Variants in LRRC36 observed in about 807,000 individuals in gnomAD.
LRRC36 encodes leucine rich repeat containing 36.
A neutral mutation model predicts 81.1 loss-of-function variants in LRRC36; 62 were observed. The observed-to-expected ratio is 0.76, with a 90% CI of 0.62 to 0.94. LRRC36 has a LOEUF of 0.94. Ranked by LOEUF, LRRC36 falls within the 40% of genes least tolerant of loss-of-function variation. The probability of loss-of-function intolerance (pLI) is 0.00; values close to 1 mark genes in which losing one functional copy is unlikely to be tolerated. For missense variants in LRRC36, 761 were observed against 881.7 expected, an observed-to-expected ratio of 0.86 and a Z score of 1.73; for synonymous variants, 334 against 348.6, an observed-to-expected ratio of 0.96 and a Z score of 0.47.
chr16:67,342,180 G>C (rs1359518607), intron 2 of LRRC36, 96 bp downstream of exon 2: 2 of 778,798 alleles, frequency 2.6e-6, no homozygotes, highest in Non-Finnish European at 3.7e-6. Context: ...GGGAATATAA[G>C]ACCTTCCCTT....
chr16:67,354,425 G>A (rs1336922631), intron 5 of LRRC36, among the ~76,000 whole-genome samples: 1 of 151,926 alleles, frequency 6.6e-6, no homozygotes, highest in African/African-American at 2.4e-5. Flanking sequence ...TTACAGGCGT[G>A]TACCACCACG....
chr16:67,327,065 G>T, intron 1 of LRRC36, 133 bp downstream of exon 1: 2 of 867,502 alleles, frequency 2.3e-6, no homozygotes, highest in South Asian at 3.9e-5. Flanking sequence ...AGGCTGGGGG[G>T]CGGGGGGATA....
At chr16:67,341,035 T>A (rs1192913235) in intron 1 of LRRC36, among the ~76,000 whole-genome samples, 1 of 126,424 alleles carries the variant, frequency 7.9e-6, no homozygotes, top group African/African-American at 3.0e-5. Context: ...ACTCTACATA[T>A]TCTATAGAAT....
At chr16:67,381,054 T>G (rs966918573) in intron 12 of LRRC36, among the ~76,000 whole-genome samples, 1 of 152,002 alleles carries the variant, frequency 6.6e-6, no homozygotes, top group African/African-American at 2.4e-5. Flanking sequence ...TGAAACCCCA[T>G]CTCTACTAAA....
intron 6 of LRRC36, among the ~76,000 whole-genome samples, chr16:67,364,518 T>G (rs984656902): frequency 6.6e-6 from 1 of 152,212 alleles, no homozygotes; most frequent in African/African-American, 2.4e-5. Flanking sequence ...AGTTTGGGTA[T>G]AGACTACCTT....
intron 5 of LRRC36, among the ~76,000 whole-genome samples, chr16:67,352,171 T>C (rs1172107898): frequency 6.6e-6 from 1 of 152,240 alleles, no homozygotes; most frequent in African/African-American, 2.4e-5. Context: ...TAAAGGTTCT[T>C]AGAAGCCCCA....
chr16:67,384,116 C>T (rs1240407433), intron 13 of LRRC36, among the ~76,000 whole-genome samples: 2 of 151,808 alleles, frequency 1.3e-5, no homozygotes, highest in Non-Finnish European at 2.9e-5. Context: ...TTTCTTTTTG[C>T]CAGTGTGTGG....
intron 5 of LRRC36, among the ~76,000 whole-genome samples, chr16:67,357,928 A>G (rs766041913): frequency 5.3e-5 from 8 of 152,200 alleles, no homozygotes; most frequent in Non-Finnish European, 1.0e-4. Context: ...ATAGAAAACA[A>G]TTTTCAAACA....
At chr16:67,328,461 C>A (rs2037313718) in intron 1 of LRRC36, among the ~76,000 whole-genome samples, 1 of 151,932 alleles carries the variant, frequency 6.6e-6, no homozygotes, top group African/African-American at 2.4e-5. Context: ...TGCAGTGAGC[C>A]GAGATCGCGC....
intron 5 of LRRC36, among the ~76,000 whole-genome samples, chr16:67,352,584 C>G (rs1313810472): frequency 6.6e-6 from 1 of 151,968 alleles, no homozygotes; most frequent in Non-Finnish European, 1.5e-5. Context: ...CCTGTTTTTT[C>G]TCTTTGCCCC....
At chr16:67,384,812 GCATGGTATCTCTCT>G in intron 13 of LRRC36, 44 bp from the exon 14 acceptor site, 1 of 1,381,764 alleles carries the variant, frequency 7.2e-7, no homozygotes, top group Non-Finnish European at 1.0e-6. Flanking sequence ...TTTTGGGTCT[GCATGGTATCTCTCT>G]TGCTTTTATG....
At chr16:67,378,257 T>TTG (rs2039980970) in intron 11 of LRRC36, among the ~76,000 whole-genome samples, 1 of 148,572 alleles carries the variant, frequency 6.7e-6, no homozygotes, top group African/African-American at 2.5e-5. Flanking sequence ...TTTTTTTTTT[T>TTG]GAGACGGATT....
rs1487432162 is a variant in LRRC36 at position 67,385,049 on chromosome 16, T to C, written c.2225T>C (p.Ile742Thr). The C allele has an allele frequency of 3.2e-5, 52 of 1,614,052 alleles. No individual in the cohort carries two copies. The highest frequency in any genetic ancestry group is 4.4e-5 in the Non-Finnish European group (52 of 1,180,048). The change falls in exon 14 of 14, where the codon ATA becomes ACA. Residue 742 changes from isoleucine (I) to threonine (T), a missense_variant. Transcript: ENST00000329956. Reference protein sequence around the residue: ...PVAHETGQYLIQSVLDAAPEP... With the variant: ...PVAHETGQYLTQSVLDAAPEP... ...GCACATGAGACTGGTCAGTATCTAA[T>C]ACAGAGCGTCTTGGATGCTGCCCCA...
intron 1 of LRRC36, among the ~76,000 whole-genome samples, chr16:67,341,452 A>G (rs928132894): frequency 1.1e-4 from 16 of 151,668 alleles, no homozygotes; most frequent in Admixed American, 2.0e-4. Context: ...AGTGACTTGA[A>G]CAAGGTCGCA....
At chr16:67,368,384 G>A (rs943173184) in intron 8 of LRRC36, among the ~76,000 whole-genome samples, 1 of 152,184 alleles carries the variant, frequency 6.6e-6, no homozygotes, top group Non-Finnish European at 1.5e-5. Flanking sequence ...TAGATAGAAT[G>A]GTCCAGAAAG....
At chr16:67,376,900 A>G (rs778916035) in intron 11 of LRRC36, 28 bp downstream of exon 11, 1 of 1,591,152 alleles carries the variant, frequency 6.3e-7, no homozygotes, top group South Asian at 1.1e-5. Flanking sequence ...CCCTTTAGAA[A>G]AGGACAGAGC....
At position 67,346,203 on chromosome 16, in the gene LRRC36, G is replaced by C. The variant is rs545471966; in HGVS notation, c.199-53G>C. The C allele has an allele frequency of 2.3e-4, 258 of 1,118,430 alleles. 8 individuals are homozygous for C. In the South Asian group the frequency reaches 4.2e-3, roughly 18 times the overall value. 69.3% of individuals were successfully genotyped at this position (1,118,430 alleles called of 1,614,324 possible). A position where few individuals can be genotyped will look rare whatever the true frequency, so the allele number is the denominator to read the frequency against. ...CATATATTTCCATCTTTATCTATGA[G>C]GTTCCTAGTCTTTACCAATATGCCA... On this transcript the variant is annotated intron_variant, in intron 2 of 13. Coordinates refer to ENST00000329956, the MANE Select transcript of LRRC36 (RefSeq NM_018296.6).
intron 1 of LRRC36, among the ~76,000 whole-genome samples, chr16:67,335,109 A>C (rs913308402): frequency 6.6e-6 from 1 of 152,176 alleles, no homozygotes; most frequent in Non-Finnish European, 1.5e-5. Flanking sequence ...AGGAAACAGG[A>C]TTTGAGAGCA....
In LRRC36 at chr16:67,363,610, A is replaced by G; in HGVS notation, c.598A>G (p.Ile200Val). The change falls in exon 6 of 14, where the codon ATT becomes GTT. Residue 200 changes from isoleucine to valine, a missense_variant. Ile to Val is a conservative substitution (Grantham distance 29). Coordinates refer to ENST00000329956, the MANE Select transcript of LRRC36 (RefSeq NM_018296.6). ...CACAGACTCAAACAAAGGACTTTTT[A>G]TTCCCTTCCCCAACCGGGAAATAAA... Reference protein sequence around the residue: ...IEMDSNKGLFIPFPNREIKDS... With the variant: ...IEMDSNKGLFVPFPNREIKDS... 2 of 1,613,950 alleles carry G rather than the reference A, an allele frequency of 1.2e-6. No individual in the cohort carries two copies. Among genetic ancestry groups the G allele is most frequent in the Non-Finnish European group, 1.7e-6 (2 of 1,179,868 alleles).
Sources: gnomAD v4.1 joint callset for allele counts (sites outside exome capture counted in the v4.1 genomes callset) on GRCh38, gnomAD v4.1.1 for gene constraint, MANE v1.5 for transcripts, NCBI Gene and HGNC (gene_info 2026-07-23, HGNC 2026-07-21) for gene names.